CTBP2: variants seen among roughly 807,000 people sequenced by gnomAD.
CTBP2 encodes the protein C-terminal binding protein 2, also known as C-terminal-binding protein 2.
CTBP2 carries 30 observed loss-of-function variants against 80.3 expected under a neutral mutation model. The ratio of observed to expected loss-of-function variants is 0.37; its 90% CI spans 0.28 to 0.51. The LOEUF (loss-of-function observed/expected upper bound fraction) is 0.51, where lower values mean the gene tolerates loss of function less well. Among genes scored for constraint, CTBP2 ranks in the 20% least tolerant of loss-of-function variants. CTBP2 has a pLI of 0.93. For missense variants in CTBP2, 1,212 were observed against 1,375.3 expected (o/e 0.88, Z 1.88); for synonymous variants, 594 against 587.4 (o/e 1.01, Z -0.16).
chr10:125,008,173 T>C (rs771328183), intron 1 of CTBP2, among the ~76,000 whole-genome samples: 8 of 152,226 alleles, frequency 5.3e-5, no homozygotes, highest in Admixed American at 1.3e-4. Flanking sequence ...TTCGAACCCC[T>C]GACCTCAGGT....
intron 1 of CTBP2, among the ~76,000 whole-genome samples, chr10:125,140,479 C>G (rs118051833): frequency 1.3e-4 from 20 of 152,134 alleles, no homozygotes; most frequent in Non-Finnish European, 2.4e-4. Context: ...CCCCACTTAA[C>G]AATTTTATAA....
At chr10:125,133,273 G>A (rs1856461689) in intron 1 of CTBP2, among the ~76,000 whole-genome samples, 1 of 152,132 alleles carries the variant, frequency 6.6e-6, no homozygotes, top group African/African-American at 2.4e-5. Context: ...TCAGCATCAA[G>A]CACTGATTAC....
intron 2 of CTBP2, among the ~76,000 whole-genome samples, chr10:125,043,087 ACTTGGTTGTTTC>A (rs1361494285): frequency 6.6e-6 from 1 of 152,250 alleles, no homozygotes; most frequent in African/African-American, 2.4e-5. Context: ...ACTTGTAGAT[ACTTGGTTGTTTC>A]CAGAGGGGAC....
intron 2 of CTBP2, among the ~76,000 whole-genome samples, chr10:125,056,143 C>A (rs1345086159): frequency 1.3e-5 from 2 of 149,424 alleles, no homozygotes; most frequent in African/African-American, 2.5e-5. Context: ...CCAGCCTGGG[C>A]AATACAGCGA....
intron 2 of CTBP2, among the ~76,000 whole-genome samples, chr10:125,102,230 AT>A (rs1303989446): frequency 6.6e-6 from 1 of 152,212 alleles, no homozygotes; most frequent in Admixed American, 6.5e-5. Context: ...AGTTGTAAAC[AT>A]TTTTTGGCCA....
intron 1 of CTBP2, among the ~76,000 whole-genome samples, chr10:125,018,467 G>A (rs1229222323): frequency 6.6e-6 from 1 of 151,936 alleles, no homozygotes; most frequent in African/African-American, 2.4e-5. Context: ...TCCAGCCTGG[G>A]TGACAGAGCA....
intron 1 of CTBP2, among the ~76,000 whole-genome samples, chr10:125,135,690 G>A (rs1283731996): frequency 6.6e-6 from 1 of 152,054 alleles, no homozygotes; most frequent in Non-Finnish European, 1.5e-5. Flanking sequence ...TTCTTTTGAG[G>A]AAGTGAAACA....
chr10:125,053,525 G>A (rs1443829632), intron 2 of CTBP2, among the ~76,000 whole-genome samples: 1 of 152,156 alleles, frequency 6.6e-6, no homozygotes, highest in Non-Finnish European at 1.5e-5. Context: ...AGTGGCTCCT[G>A]GGCTCAGCCT....
Sources: gnomAD v4.1 joint callset for allele counts (sites outside exome capture counted in the v4.1 genomes callset) on GRCh38, gnomAD v4.1.1 for gene constraint, MANE v1.5 for transcripts, NCBI Gene and HGNC (gene_info 2026-07-23, HGNC 2026-07-21) for gene names.